Variants in ARHGAP26 observed in about 807,000 individuals in gnomAD.
ARHGAP26 encodes the protein Rho GTPase activating protein 26, also known as rho GTPase-activating protein 26.
A neutral mutation model predicts 104.8 loss-of-function variants in ARHGAP26; 38 were observed. The ratio of observed to expected loss-of-function variants is 0.36; its 90% CI spans 0.28 to 0.48. The LOEUF (loss-of-function observed/expected upper bound fraction) is 0.48, where lower values mean the gene tolerates loss of function less well. ARHGAP26 is among the 20% of genes least tolerant of loss of function. ARHGAP26 has a pLI of 0.99. For missense variants in ARHGAP26, 704 were observed against 947.9 expected (o/e 0.74, Z 3.38); for synonymous variants, 341 against 340.0 (o/e 1.00, Z -0.03).
intron 20 of ARHGAP26, among the ~76,000 whole-genome samples, chr5:143,185,489 AAAGT>A (rs1166102643): frequency 6.6e-6 from 1 of 152,222 alleles, no homozygotes; most frequent in Non-Finnish European, 1.5e-5. Flanking sequence ...AAGTAGAAAG[AAAGT>A]AAGCTGGCTC....
chr5:143,084,949 G>A (rs976652572), intron 17 of ARHGAP26, among the ~76,000 whole-genome samples: 6 of 150,392 alleles, frequency 4.0e-5, no homozygotes, highest in African/African-American at 1.5e-4. Flanking sequence ...GGATGCTGAG[G>A]CAGGAAAATT....
At chr5:142,976,331 TA>T (rs1247258757) in intron 11 of ARHGAP26, among the ~76,000 whole-genome samples, 1 of 152,210 alleles carries the variant, frequency 6.6e-6, no homozygotes, top group Non-Finnish European at 1.5e-5. Context: ...ATAAGTGAAC[TA>T]ATGTCATGCT....
At chr5:143,076,959 A>G (rs903868022) in intron 17 of ARHGAP26, among the ~76,000 whole-genome samples, 1 of 152,196 alleles carries the variant, frequency 6.6e-6, no homozygotes, top group African/African-American at 2.4e-5. Flanking sequence ...CCTTGCAAAC[A>G]TCCTTTTGCA....
chr5:142,847,785 G>A (rs1218531774), intron 1 of ARHGAP26, among the ~76,000 whole-genome samples: 1 of 152,252 alleles, frequency 6.6e-6, no homozygotes. Flanking sequence ...CGTGGGCCTG[G>A]GAGGACTCCA....
chr5:142,885,344 T>A lies in ARHGAP26; in HGVS notation c.431T>A (p.Ile144Asn). 3 of 1,613,888 alleles carry A rather than the reference T, an allele frequency of 1.9e-6. No individual in the cohort carries two copies. The highest frequency in any genetic ancestry group is 2.5e-6 in the Non-Finnish European group (3 of 1,179,852). Reference protein sequence around the residue: ...YDKETEKYCGILEKHLNLSSK... With the variant: ...YDKETEKYCGNLEKHLNLSSK... ...AAAGAGACAGAAAAGTATTGTGGCA[T>A]CTTAGAAAAACACTTGAATTTGTCT... The change falls in exon 5 of 23, where the codon ATC becomes AAC. Residue 144 changes from isoleucine (I) to asparagine (N), a missense_variant. Around this residue, in one of 6 missense-constraint regions of ARHGAP26, gnomAD observed 106 missense variants for 120.5 expected, o/e 0.88. Coordinates refer to ENST00000645722, the MANE Select transcript of ARHGAP26 (RefSeq NM_001135608.3).
chr5:143,062,386 G>A (rs1026862275), intron 17 of ARHGAP26, among the ~76,000 whole-genome samples: 17 of 152,162 alleles, frequency 1.1e-4, no homozygotes, highest in African/African-American at 3.9e-4. Context: ...TTCCAAAATG[G>A]ACAAAATTCT....
chr5:143,128,800 G>A (rs36055427), intron 18 of ARHGAP26, among the ~76,000 whole-genome samples: 15,255 of 152,176 alleles, frequency 0.1, 1,455 homozygotes, highest in African/African-American at 0.24. Flanking sequence ...CTCATTTCTC[G>A]TATAAACCTT....
intron 1 of ARHGAP26, among the ~76,000 whole-genome samples, chr5:142,837,252 T>C (rs984643458): frequency 1.1e-4 from 16 of 152,170 alleles, no homozygotes; most frequent in African/African-American, 3.4e-4. Context: ...AAGTTTCCCA[T>C]TGTATCTCTA....
chr5:143,184,312 A>T (rs1338953429), intron 20 of ARHGAP26, among the ~76,000 whole-genome samples: 3 of 152,134 alleles, frequency 2.0e-5, no homozygotes, highest in Non-Finnish European at 4.4e-5. Flanking sequence ...CCCTAACCTG[A>T]ATTAATGTAT....
At chr5:142,779,642 G>C (rs1376142666) in intron 1 of ARHGAP26, among the ~76,000 whole-genome samples, 1 of 152,146 alleles carries the variant, frequency 6.6e-6, no homozygotes, top group Non-Finnish European at 1.5e-5. Flanking sequence ...ATCTGATCTT[G>C]CTGTCACATC....
chr5:143,017,652 G>A (rs143646283), intron 12 of ARHGAP26, among the ~76,000 whole-genome samples: 1 of 151,954 alleles, frequency 6.6e-6, no homozygotes, highest in Non-Finnish European at 1.5e-5. Context: ...TTCTTACTTT[G>A]TGCCCTCATC....
At chr5:142,937,470 G>A (rs1765593058) in intron 11 of ARHGAP26, among the ~76,000 whole-genome samples, 1 of 152,240 alleles carries the variant, frequency 6.6e-6, no homozygotes, top group Admixed American at 6.5e-5. Flanking sequence ...AAACAGCCAT[G>A]CTGGCAAGTC....
At chr5:143,014,015 T>G in intron 11 of ARHGAP26, 65 bp from the exon 12 acceptor site, 1 of 1,519,112 alleles carries the variant, frequency 6.6e-7, no homozygotes, top group Admixed American at 1.7e-5. Context: ...GATAATGGTT[T>G]TCTACAGTGA....
intron 17 of ARHGAP26, among the ~76,000 whole-genome samples, chr5:143,105,357 CAA>C (rs1793840495): frequency 6.7e-6 from 1 of 149,536 alleles, no homozygotes; most frequent in Non-Finnish European, 1.5e-5. Flanking sequence ...GCCTGGGCAA[CAA>C]GAGCGAAGCT....
chr5:143,000,384 A>G (rs1210647808), intron 11 of ARHGAP26, among the ~76,000 whole-genome samples: 4 of 152,256 alleles, frequency 2.6e-5, no homozygotes, highest in Admixed American at 2.0e-4. Flanking sequence ...GTGTCCATCA[A>G]CAGAGGAATT....
At chr5:143,114,165 A>G (rs957324226) in intron 17 of ARHGAP26, among the ~76,000 whole-genome samples, 3 of 152,188 alleles carry the variant, frequency 2.0e-5, no homozygotes, top group African/African-American at 7.2e-5. Flanking sequence ...TTCTCACTAG[A>G]TAACCATTCC....
At chr5:142,870,272 A>G (rs545297521) in intron 1 of ARHGAP26, among the ~76,000 whole-genome samples, 1 of 152,320 alleles carries the variant, frequency 6.6e-6, no homozygotes, top group African/African-American at 2.4e-5. Flanking sequence ...AAGCTCTTGA[A>G]ATAAATCTTT....
chr5:143,150,489 C>A (rs918148711), intron 20 of ARHGAP26, among the ~76,000 whole-genome samples: 2 of 152,032 alleles, frequency 1.3e-5, no homozygotes, highest in Non-Finnish European at 2.9e-5. Flanking sequence ...GTGAGGTGGG[C>A]ATTAGGAAAA....
intron 1 of ARHGAP26, among the ~76,000 whole-genome samples, chr5:142,779,015 C>T (rs1415572169): frequency 6.6e-6 from 1 of 151,468 alleles, no homozygotes; most frequent in Middle Eastern, 3.2e-3. Context: ...GGATGTGTCC[C>T]TATTAGCCCT....
Sources: gnomAD v4.1 joint callset for allele counts (sites outside exome capture counted in the v4.1 genomes callset) on GRCh38, gnomAD v4.1.1 for gene constraint, gnomAD v4.1.1 regional missense constraint, MANE v1.5 for transcripts, NCBI Gene and HGNC (gene_info 2026-07-23, HGNC 2026-07-21) for gene names.